Variants in STPG2 observed in about 807,000 individuals in gnomAD.
STPG2 encodes sperm-tail PG-rich repeat-containing protein 2.
A neutral mutation model predicts 54.2 loss-of-function variants in STPG2; 56 were observed. That is an observed-to-expected ratio of 1.03 (90% confidence interval 0.83 to 1.29). The LOEUF (loss-of-function observed/expected upper bound fraction) is 1.29. STPG2 is among the 50% of genes most tolerant of loss of function. STPG2 has a pLI of 0.00. For synonymous variants in STPG2, 200 were observed against 181.8 expected, an observed-to-expected ratio of 1.10 and a Z score of -0.81; for missense variants, 596 against 544.9, an observed-to-expected ratio of 1.09 and a Z score of -0.93.
At chr4:97,722,847 G>C (rs921891602) in intron 9 of STPG2, among the ~76,000 whole-genome samples, 1 of 147,266 alleles carries the variant, frequency 6.8e-6, no homozygotes, top group Non-Finnish European at 1.5e-5. Context: ...GCCCCGGCTG[G>C]AGTGCAGTGG....
intron 8 of STPG2, among the ~76,000 whole-genome samples, chr4:97,850,865 T>A (rs975893377): frequency 6.6e-6 from 1 of 152,164 alleles, no homozygotes; most frequent in African/African-American, 2.4e-5. Context: ...AAAGAAAGAA[T>A]GAATGAATAC....
intron 4 of STPG2, among the ~76,000 whole-genome samples, chr4:97,508,899 C>A (rs2148838944): frequency 6.6e-6 from 1 of 152,242 alleles, no homozygotes; most frequent in Middle Eastern, 3.4e-3. Flanking sequence ...AACTACCCAT[C>A]TCTTGCATCA....
chr4:97,694,948 A>C (rs1723518544), intron 10 of STPG2, among the ~76,000 whole-genome samples: 1 of 151,836 alleles, frequency 6.6e-6, no homozygotes, highest in Non-Finnish European at 1.5e-5. Flanking sequence ...ACACTATTGC[A>C]AAAGATAGAG....
chr4:97,551,526 T>C (rs1021826567), intron 4 of STPG2, among the ~76,000 whole-genome samples: 2 of 152,218 alleles, frequency 1.3e-5, no homozygotes, highest in Admixed American at 6.5e-5. Flanking sequence ...TAGATTTTAC[T>C]TAAAACTTCT....
intron 8 of STPG2, among the ~76,000 whole-genome samples, chr4:97,932,764 C>T (rs538408140): frequency 1.3e-5 from 2 of 152,166 alleles, no homozygotes; most frequent in African/African-American, 4.8e-5. Flanking sequence ...TCCAGTCCAT[C>T]ATTGATGGTT....
At chr4:97,556,772 C>T (rs1732087351), downstream of STPG2, among the ~76,000 whole-genome samples, 1 of 152,104 alleles carries the variant, frequency 6.6e-6, no homozygotes, top group Non-Finnish European at 1.5e-5. Context: ...TTAAAAGTCT[C>T]TCCTTGTCTT....
At chr4:97,487,702 G>A (rs1378851525) in intron 4 of STPG2, among the ~76,000 whole-genome samples, 1 of 151,238 alleles carries the variant, frequency 6.6e-6, no homozygotes, top group Non-Finnish European at 1.5e-5. Flanking sequence ...GTTGGATTAA[G>A]TTTACTATGT....
intron 9 of STPG2, among the ~76,000 whole-genome samples, chr4:97,734,850 A>G (rs956877316): frequency 2.0e-5 from 3 of 152,186 alleles, no homozygotes; most frequent in Non-Finnish European, 4.4e-5. Flanking sequence ...AGGCAGGTGG[A>G]TCACAAGGTC....
At chr4:97,752,853 T>G (rs1725619420) in intron 9 of STPG2, among the ~76,000 whole-genome samples, 1 of 151,844 alleles carries the variant, frequency 6.6e-6, no homozygotes, top group Non-Finnish European at 1.5e-5. Flanking sequence ...CCACCCACCA[T>G]AACTCACTCT....
intron 5 of STPG2, among the ~76,000 whole-genome samples, chr4:98,063,583 T>C (rs1297546757): frequency 6.6e-6 from 1 of 151,846 alleles, no homozygotes; most frequent in African/African-American, 2.4e-5. Context: ...ATGGAAATAA[T>C]GAAAAAGCAT....
chr4:98,101,596 C>T (rs2019163), intron 5 of STPG2, among the ~76,000 whole-genome samples: 59,815 of 151,852 alleles, frequency 0.39, 12,028 homozygotes, highest in Middle Eastern at 0.45. Context: ...TTAAATATAG[C>T]CCAGTACAAC....
chr4:97,936,090 A>G (rs1459607028), intron 8 of STPG2, among the ~76,000 whole-genome samples: 2 of 152,196 alleles, frequency 1.3e-5, no homozygotes, highest in African/African-American at 2.4e-5. Flanking sequence ...TATTTAGGAT[A>G]GTTAATTCTT....
chr4:97,766,505 A>G (rs1726058377), intron 9 of STPG2, among the ~76,000 whole-genome samples: 7 of 152,118 alleles, frequency 4.6e-5, no homozygotes, highest in Admixed American at 4.6e-4. Flanking sequence ...TGAGCCCAAC[A>G]TAATTTCTAC....
At chr4:97,607,606 C>T (rs1371296238) in intron 10 of STPG2, among the ~76,000 whole-genome samples, 4 of 152,016 alleles carry the variant, frequency 2.6e-5, no homozygotes, top group Non-Finnish European at 5.9e-5. Context: ...TTTGGAAATA[C>T]ATTGCCCGAA....
chr4:97,534,056 T>C (rs886349174), intron 4 of STPG2, among the ~76,000 whole-genome samples: 1 of 152,192 alleles, frequency 6.6e-6, no homozygotes, highest in African/African-American at 2.4e-5. Context: ...TCTTCCGCAT[T>C]GTAACCAACA....
At chr4:97,905,965 G>T (rs1485152590) in intron 8 of STPG2, among the ~76,000 whole-genome samples, 2 of 152,032 alleles carry the variant, frequency 1.3e-5, no homozygotes, top group African/African-American at 4.8e-5. Context: ...AACTAGAAAA[G>T]CAAGAGCAAA....
At chr4:97,688,346 T>A (rs1723261422) in intron 10 of STPG2, among the ~76,000 whole-genome samples, 1 of 152,012 alleles carries the variant, frequency 6.6e-6, no homozygotes, top group East Asian at 1.9e-4. Context: ...TTTTTGAAAA[T>A]GATAATGATG....
intron 5 of STPG2, among the ~76,000 whole-genome samples, chr4:98,081,424 G>A (rs866407385): frequency 6.6e-6 from 1 of 151,746 alleles, no homozygotes; most frequent in Middle Eastern, 3.4e-3. Context: ...AGAGATAAAA[G>A]CTAAGGGGGT....
At position 97,925,533 on chromosome 4, in the gene STPG2, A is replaced by C. The variant is rs182921982; in HGVS notation, c.1044+18364T>G. On this transcript the variant is annotated intron_variant, in intron 8 of 10. Transcript: ENST00000295268. ...GCCCTGCAGTAAGAAAATTTATTATAATGTGCTGTCTCCCATCAGTGGTTA... is the reference window on the plus strand; with the variant it reads ...GCCCTGCAGTAAGAAAATTTATTATCATGTGCTGTCTCCCATCAGTGGTTA... 3.9e-5 allele frequency among the ~76,000 whole-genome samples: 6 copies of C among 152,334 alleles called. No homozygotes were observed. The East Asian group carries it at 1.2e-3, about 29-fold the overall frequency.
Sources: allele counts gnomAD v4.1 joint callset (sites outside exome capture counted in the v4.1 genomes callset), GRCh38; gene constraint gnomAD v4.1.1; transcripts MANE v1.5; gene names NCBI Gene and HGNC (gene_info 2026-07-23, HGNC 2026-07-21).